AOPEP: variants seen among roughly 807,000 people sequenced by gnomAD.
AOPEP encodes aminopeptidase O.
In AOPEP, 77 loss-of-function variants were observed where a neutral mutation model predicts 98.1. That is an observed-to-expected ratio of 0.78 (90% confidence interval 0.65 to 0.95). The LOEUF is 0.95. Among genes scored for constraint, AOPEP ranks in the 40% least tolerant of loss-of-function variants. AOPEP has a pLI of 0.00. For synonymous variants in AOPEP, 346 were observed against 365.3 expected, an observed-to-expected ratio of 0.95 and a Z score of 0.60; for missense variants, 1,024 against 1,024.7, an observed-to-expected ratio of 1.00 and a Z score of 0.01.
At chr9:95,101,727 C>T in the AOPEP span, 1 of 1,614,006 alleles carries the variant, frequency 6.2e-7, no homozygotes, top group Non-Finnish European at 8.5e-7. Flanking sequence ...GTTCGCAGCT[C>T]TTTAAGGAGC....
intron 5 of AOPEP, among the ~76,000 whole-genome samples, chr9:94,865,426 A>T (rs2045597497): frequency 1.3e-5 from 2 of 152,214 alleles, no homozygotes; most frequent in Non-Finnish European, 2.9e-5. Context: ...TCTTCACTTC[A>T]AACGAACTGA....
In AOPEP at chr9:94,961,477, G is replaced by T. The variant is rs1053890645; in HGVS notation, c.1872+5462G>T. On this transcript the variant is annotated intron_variant, in intron 9 of 16. Transcript: ENST00000375315. ...TCTATACCTGTTATTTTCCAATTGC[G>T]TTTATCTTTTTCTTCTTCATGACCT... 7.2e-5 allele frequency among the ~76,000 whole-genome samples: 11 copies of T among 151,986 alleles called. No homozygotes were observed. In the South Asian group the frequency reaches 1.0e-3, roughly 14 times the overall value.
At chr9:95,117,404 G>T in the AOPEP span, 2 of 1,610,552 alleles carry the variant, frequency 1.2e-6, no homozygotes, top group East Asian at 4.5e-5. Context: ...CCACAGGATG[G>T]AAAATCCAAA....
chr9:95,064,657 A>G (rs4744432), intron 14 of AOPEP, among the ~76,000 whole-genome samples: 119,291 of 152,128 alleles, frequency 0.78, 48,258 homozygotes, highest in Non-Finnish European at 0.89. Context: ...GCTGGTATTT[A>G]TCTTAATATG....
chr9:94,911,713 G>A (rs965858975), intron 5 of AOPEP, among the ~76,000 whole-genome samples: 5 of 152,082 alleles, frequency 3.3e-5, no homozygotes, highest in East Asian at 3.9e-4. Context: ...AATTGGCCTC[G>A]AATACATTAA....
intron 5 of AOPEP, among the ~76,000 whole-genome samples, chr9:94,829,212 A>ACG (rs1855383257): frequency 6.6e-6 from 1 of 151,870 alleles, no homozygotes; most frequent in South Asian, 2.1e-4. Context: ...ACACACACAC[A>ACG]CGCACACGCA....
At chr9:94,754,134 T>C (rs532071904) in intron 1 of AOPEP, among the ~76,000 whole-genome samples, 1 of 152,344 alleles carries the variant, frequency 6.6e-6, no homozygotes, top group Admixed American at 6.5e-5. Context: ...GTGACATTTA[T>C]AAACACAAAA....
intron 13 of AOPEP, among the ~76,000 whole-genome samples, chr9:95,031,979 A>G (rs2064348624): frequency 1.3e-5 from 2 of 152,324 alleles, no homozygotes; most frequent in Admixed American, 6.5e-5. Context: ...AGGGGCATGA[A>G]TAAGTGGCTC....
chr9:94,893,877 A>G (rs1346614360), intron 5 of AOPEP, among the ~76,000 whole-genome samples: 2 of 152,252 alleles, frequency 1.3e-5, no homozygotes, highest in Non-Finnish European at 2.9e-5. Context: ...GAACATTTGT[A>G]GAAATTAATC....
chr9:94,943,919 C>CAAAAAAAAAAAAAAAAA (rs775807087), intron 7 of AOPEP, among the ~76,000 whole-genome samples: 2 of 17,418 alleles, frequency 1.1e-4, no homozygotes, highest in African/African-American at 1.9e-4. Flanking sequence ...GACTCCATCT[C>CAAAAAAAAAAAAAAAAA]AAAAAAAAAA....
At chr9:95,114,806 C>T in the AOPEP span, 1,597 of 1,020,400 alleles carry the variant, frequency 1.6e-3, 6 homozygotes, top group Non-Finnish European at 2.3e-3. Flanking sequence ...CTTTGGGAGA[C>T]GCCCTTTACT....
intron 1 of AOPEP, among the ~76,000 whole-genome samples, chr9:94,731,836 G>C (rs1587933783): frequency 1.0e-5 from 1 of 98,164 alleles, no homozygotes; most frequent in African/African-American, 4.2e-5. Context: ...CGCTCTTGTT[G>C]CCCAGGCTGG....
chr9:94,918,716 A>G (rs996156165), intron 5 of AOPEP, among the ~76,000 whole-genome samples: 4 of 152,192 alleles, frequency 2.6e-5, no homozygotes. Flanking sequence ...TAGAGCAATG[A>G]GATGGCATGT....
In AOPEP at chr9:94,799,450, G is replaced by A. The variant is rs554430989; in HGVS notation, c.1119-1307G>A. Among the ~76,000 whole-genome samples the A allele has an allele frequency of 5.3e-5, 8 of 151,720 alleles. No individual in the cohort carries two copies. The South Asian group carries it at 1.5e-3, about 28-fold the overall frequency. ...GATGTGGCATGGCAACATGCCTGTA[G>A]TCCTAGCTACTCAGGAGGCTGAGGT... On this transcript the variant is annotated intron_variant, in intron 4 of 16. Transcript: ENST00000375315.
intron 3 of AOPEP, among the ~76,000 whole-genome samples, chr9:94,777,576 T>C (rs1842404334): frequency 6.6e-6 from 1 of 151,570 alleles, no homozygotes; most frequent in South Asian, 2.1e-4. Flanking sequence ...ACCGGATGTA[T>C]TTGTAATACA....
the AOPEP span, among the ~76,000 whole-genome samples, chr9:95,102,414 G>A: frequency 6.6e-6 from 1 of 152,204 alleles, no homozygotes; most frequent in African/African-American, 2.4e-5. Flanking sequence ...GTACTTGTTG[G>A]TGCCTGTAAG....
At position 94,912,556 on chromosome 9, in the gene AOPEP, G is replaced by A. The variant is rs59473116; in HGVS notation, c.1365-11430G>A. ...ATGAGAAAGAGGGCTACACTACGGT[G>A]CCATGGCTGACCGTGTGAGACCCAA... On this transcript the variant is annotated intron_variant, in intron 5 of 16. Transcript: ENST00000375315. Among the ~76,000 whole-genome samples the A allele has an allele frequency of 4.5e-3, 682 of 152,306 alleles. 5 individuals are homozygous for A. Among genetic ancestry groups the A allele is most frequent in the African/African-American group, 0.016 (653 of 41,562 alleles).
intron 7 of AOPEP, 143 bp from the exon 8 acceptor site, chr9:94,955,034 A>G: frequency 1.9e-6 from 1 of 527,344 alleles, no homozygotes; most frequent in South Asian, 3.0e-5. Context: ...ATGTAATACA[A>G]ACTGTTCTAA....
intron 5 of AOPEP, among the ~76,000 whole-genome samples, chr9:94,899,350 ATT>A (rs35635785): frequency 2.4e-4 from 23 of 97,790 alleles, no homozygotes; most frequent in African/African-American, 2.9e-4. Flanking sequence ...ACGCCCGGCT[ATT>A]TTTTTTTTTT....
Sources: allele counts gnomAD v4.1 joint callset (sites outside exome capture counted in the v4.1 genomes callset), GRCh38; gene constraint gnomAD v4.1.1; transcripts MANE v1.5; gene names NCBI Gene and HGNC (gene_info 2026-07-23, HGNC 2026-07-21).